Variants in USP6NL observed in about 807,000 individuals in gnomAD.
USP6NL encodes USP6 N-terminal like.
A neutral mutation model predicts 61.9 loss-of-function variants in USP6NL; 26 were observed. The ratio of observed to expected loss-of-function variants is 0.42; its 90% CI spans 0.31 to 0.58. USP6NL has a LOEUF of 0.58. Among genes scored for constraint, USP6NL ranks in the 20% least tolerant of loss-of-function variants. The probability of loss-of-function intolerance (pLI) is 0.16; values close to 1 mark genes in which losing one functional copy is unlikely to be tolerated. For synonymous variants in USP6NL, 432 were observed against 390.1 expected, an observed-to-expected ratio of 1.11 and a Z score of -1.27; for missense variants, 1,114 against 1,034.3, an observed-to-expected ratio of 1.08 and a Z score of -1.06.
rs898734978 is a variant in USP6NL, at chr10:11,540,826, G to T, written c.5-13259C>A. Among the ~76,000 whole-genome samples, 5 of 152,112 alleles carry T rather than the reference G, an allele frequency of 3.3e-5. No individual in the cohort carries two copies. The highest frequency in any genetic ancestry group is 2.6e-4 in the Admixed American group (4 of 15,278). On this transcript the variant is annotated intron_variant, in intron 2 of 14. Coordinates refer to ENST00000609104, the MANE Select transcript of USP6NL (RefSeq NM_014688.5). This position sits in a 1 kb window ranked among gnomAD's most constrained non-coding sequence, Gnocchi z 5.0. The stretch of plus-strand genomic sequence containing the variant: ...AGAACAACTGAGAAGCACACAGGAA[G>T]AACTATGTTATCATCCTTTGAGTTA...
rs2096213593 is a variant in USP6NL, at chr10:11,461,371, A to G, written c.*1070T>C. On this transcript the variant is annotated 3_prime_UTR_variant, in exon 15 of 15. Transcript: ENST00000609104. ...CTAGGATCATTTTTATAATTTTAAC[A>G]TGGACAATGTAATGGCCTGATGAGG... The G allele has an allele frequency of 6.6e-6, 1 of 152,230 alleles. No individual in the cohort carries two copies. The highest frequency in any genetic ancestry group is 2.1e-4 in the South Asian group (1 of 4,836). 9.4% of individuals were successfully genotyped at this position (152,230 alleles called of 1,614,324 possible).
At position 11,509,594 on chromosome 10, in the gene USP6NL, C is replaced by G. The variant is rs1483442744; in HGVS notation, c.276+1G>C. On this transcript the variant is annotated splice_donor_variant, in intron 6 of 14. Coordinates refer to ENST00000609104, the MANE Select transcript of USP6NL (RefSeq NM_014688.5). LOFTEE classifies it high-confidence loss of function. ...TATGGAAAAACATGATTTTAAATTA[C>G]CTTTTCAGTGTTCTTGTATTTTTCC... The G allele has an allele frequency of 5.8e-6, 9 of 1,549,430 alleles. No homozygotes were observed. Among genetic ancestry groups the G allele is most frequent in the Non-Finnish European group, 7.9e-6 (9 of 1,145,914 alleles).
At chr10:11,464,385 T>C (rs1832352653) in intron 14 of USP6NL, among the ~76,000 whole-genome samples, 1 of 152,230 alleles carries the variant, frequency 6.6e-6, no homozygotes, top group Admixed American at 6.5e-5. Context: ...CGCTGGCCAC[T>C]GCTCAGAAAG....
chr10:11,554,168 C>A (rs186680797), intron 2 of USP6NL, among the ~76,000 whole-genome samples: 1 of 152,170 alleles, frequency 6.6e-6, no homozygotes, highest in Admixed American at 6.5e-5. Context: ...AGAGTACACA[C>A]AGAAGAAAGA....
At chr10:11,581,690 CTT>C (rs1475734816) in intron 2 of USP6NL, among the ~76,000 whole-genome samples, 1 of 152,182 alleles carries the variant, frequency 6.6e-6, no homozygotes, top group African/African-American at 2.4e-5. Context: ...ATTTCTAACT[CTT>C]CTCTCTTTTT....
intron 7 of USP6NL, among the ~76,000 whole-genome samples, chr10:11,497,796 A>G (rs1343448223): frequency 6.6e-6 from 1 of 152,242 alleles, no homozygotes; most frequent in African/African-American, 2.4e-5. Context: ...AGAGGTAAAC[A>G]ATTTCTACAG....
Position 11,463,783 on chromosome 10 carries a change from A to G in USP6NL, c.1145T>C (p.Val382Ala). ...CCTCTGTCCGTTGCTCAAGTGATGG[A>G]CGCCCCAAGACTGAAGTTCAGGTGG... ...QLPPELQSWGVHHLSNGQRSV... is the reference protein window; with the variant it reads ...QLPPELQSWGAHHLSNGQRSV... The change falls in exon 15 of 15, where the codon GTC becomes GCC. Residue 382 changes from valine (V) to alanine (A), a missense_variant. Val to Ala is a moderately conservative substitution (Grantham distance 64, BLOSUM62 0). Transcript: ENST00000609104. The surrounding 1 kb of genome is among the most constrained non-coding windows in gnomAD (Gnocchi z 6.3). 2.0e-6 allele frequency: 3 copies of G among 1,509,942 alleles called. No homozygotes were observed. Among genetic ancestry groups the G allele is most frequent in the Non-Finnish European group, 2.7e-6 (3 of 1,130,144 alleles). The allele number at this position is 1,509,942 out of a possible 1,614,324, so 93.5% of individuals were successfully genotyped here. A position where few individuals can be genotyped will look rare whatever the true frequency, so the allele number is the denominator to read the frequency against.
intron 7 of USP6NL, among the ~76,000 whole-genome samples, chr10:11,500,696 A>C (rs778887031): frequency 6.6e-6 from 1 of 152,212 alleles, no homozygotes; most frequent in Non-Finnish European, 1.5e-5. Context: ...GGTGTTGGTT[A>C]AACTGAATTC....
chr10:11,534,119 T>C (rs192806445), intron 2 of USP6NL, among the ~76,000 whole-genome samples: 283 of 152,208 alleles, frequency 1.9e-3, no homozygotes, highest in Admixed American at 6.7e-3. Context: ...CACCCTGGCC[T>C]GTCTTCAGCA....
chr10:11,525,521 T>C lies in USP6NL; in HGVS notation c.73-53A>G. Reference sequence around the variant, plus strand: ...AATCAGAGTTTATAAAACTGAATAATTTTTTAAAATAAAAGGACGAAGAAA... The same window carrying C: ...AATCAGAGTTTATAAAACTGAATAACTTTTTAAAATAAAAGGACGAAGAAA... On this transcript the variant is annotated intron_variant, in intron 3 of 14. Coordinates refer to ENST00000609104, the MANE Select transcript of USP6NL (RefSeq NM_014688.5). The surrounding 1 kb of genome is among the most constrained non-coding windows in gnomAD (Gnocchi z 5.0). 1.4e-6 allele frequency: 2 copies of C among 1,430,824 alleles called. No individual in the cohort carries two copies. Among genetic ancestry groups the C allele is most frequent in the South Asian group, 2.8e-5 (2 of 70,976 alleles). The allele number at this position is 1,430,824 out of a possible 1,614,324, so 88.6% of individuals were successfully genotyped here.
rs913993689 is a variant in USP6NL, at chr10:11,589,891, A to C, written c.4+7740T>G. 2.0e-5 allele frequency among the ~76,000 whole-genome samples: 3 copies of C among 152,206 alleles called. No homozygotes were observed. The highest frequency in any genetic ancestry group is 7.2e-5 in the African/African-American group (3 of 41,452). The stretch of plus-strand genomic sequence containing the variant: ...AAACCGGTGCCGCTCCAGGGTACCA[A>C]GGCAATGCCAGGGGAAGTCAGTTTC... On this transcript the variant is annotated intron_variant, in intron 2 of 14. Coordinates refer to ENST00000609104, the MANE Select transcript of USP6NL (RefSeq NM_014688.5). This position sits in a 1 kb window ranked among gnomAD's most constrained non-coding sequence, Gnocchi z 4.7.
chr10:11,509,789 A>C (rs1234281770), intron 5 of USP6NL, 114 bp from the exon 6 acceptor site: 2 of 802,150 alleles, frequency 2.5e-6, no homozygotes, highest in Admixed American at 2.8e-5. Context: ...ATGCTATATT[A>C]GCAGATATCC....
intron 14 of USP6NL, among the ~76,000 whole-genome samples, chr10:11,473,672 C>A (rs1832851011): frequency 6.6e-6 from 1 of 152,092 alleles, no homozygotes. Context: ...CTCTCATTAC[C>A]AACTGTCTGA....
intron 5 of USP6NL, among the ~76,000 whole-genome samples, chr10:11,515,582 G>C (rs1834919217): frequency 2.0e-5 from 3 of 152,190 alleles, no homozygotes; most frequent in Admixed American, 2.0e-4. Flanking sequence ...ACTCTGGTTA[G>C]TGTCAGAATT....
At chr10:11,501,939 C>T (rs1834215001) in intron 6 of USP6NL, among the ~76,000 whole-genome samples, 1 of 152,170 alleles carries the variant, frequency 6.6e-6, no homozygotes, top group Non-Finnish European at 1.5e-5. Context: ...GAAGACATCA[C>T]TTTTGAATGA....
At chr10:11,539,123 C>A (rs1162086302) in intron 2 of USP6NL, among the ~76,000 whole-genome samples, 2 of 152,194 alleles carry the variant, frequency 1.3e-5, no homozygotes, top group African/African-American at 2.4e-5. Flanking sequence ...GACAGGCTCA[C>A]CTCCTGCTCT....
chr10:11,485,838 C>G lies in USP6NL; in HGVS notation c.738G>C (p.Leu246=), dbSNP rs767745782. Residue 246 remains leucine, a synonymous_variant, in exon 11 of 15, where the codon CTG becomes CTC. Coordinates refer to ENST00000609104, the MANE Select transcript of USP6NL (RefSeq NM_014688.5). This position sits in a 1 kb window ranked among gnomAD's most constrained non-coding sequence, Gnocchi z 4.8. ...CTACCAAGTGTTGCTTAAGCTTGGA[C>G]AGAAATTTGTTCAGTATTTTTTCAT... is the stretch of plus-strand genomic sequence containing the variant. ...EHHEKILNKF[L]SKLKQHLDSQ... is the part of the protein sequence containing the mutation. The G allele has an allele frequency of 5.1e-6, 8 of 1,555,066 alleles. No homozygotes were observed. The highest frequency in any genetic ancestry group is 1.7e-4 in the Middle Eastern group (1 of 5,984).
chr10:11,480,371 C>T (rs1374027389), intron 14 of USP6NL, among the ~76,000 whole-genome samples: 1 of 152,144 alleles, frequency 6.6e-6, no homozygotes, highest in Non-Finnish European at 1.5e-5. Context: ...TATATTTTTT[C>T]CTCTATATTT....
At chr10:11,552,006 ATATAG>A (rs1836508620) in intron 2 of USP6NL, among the ~76,000 whole-genome samples, 2 of 152,176 alleles carry the variant, frequency 1.3e-5, no homozygotes, top group Non-Finnish European at 2.9e-5. Flanking sequence ...AAAGTAAATA[ATATAG>A]TATTTATATA....
Sources: gnomAD v4.1 joint callset for allele counts (sites outside exome capture counted in the v4.1 genomes callset) on GRCh38, gnomAD v4.1.1 for gene constraint, Gnocchi (gnomAD v3.1) non-coding constraint, MANE v1.5 for transcripts, NCBI Gene and HGNC (gene_info 2026-07-23, HGNC 2026-07-21) for gene names.